Variants in IL6R observed in about 807,000 individuals in gnomAD.
The protein encoded by IL6R is interleukin-6 receptor subunit alpha.
In IL6R, 38 loss-of-function variants were observed where a neutral mutation model predicts 48.3. The ratio of observed to expected loss-of-function variants is 0.79; its 90% CI spans 0.61 to 1.03. IL6R has a LOEUF of 1.03. IL6R is among the 50% of genes least tolerant of loss of function. The pLI is 0.00. For synonymous variants in IL6R, 264 were observed against 256.2 expected, an observed-to-expected ratio of 1.03 and a Z score of -0.29; for missense variants, 534 against 618.3, an observed-to-expected ratio of 0.86 and a Z score of 1.45.
In IL6R at chr1:154,445,022, C is replaced by T. The variant is rs111610354; in HGVS notation, c.950-3103C>T. The T allele has an allele frequency of 9.3e-3, 4,246 of 455,230 alleles. 132 individuals are homozygous for T. The highest frequency in any genetic ancestry group is 0.075 in the African/African-American group (3,733 of 50,088). The allele number at this position is 455,230 out of a possible 1,614,324, so 28.2% of individuals were successfully genotyped here. ...ACACTGTGGAGATTTGTACACACAG[C>T]CTTTTCTGTACTTGTCTCCACTAGG... On this transcript the variant is annotated intron_variant, in intron 6 of 9. Transcript: ENST00000368485.
chr1:154,440,924 A>G (rs1689897793), intron 6 of IL6R, among the ~76,000 whole-genome samples: 1 of 152,200 alleles, frequency 6.6e-6, no homozygotes, highest in Non-Finnish European at 1.5e-5. Flanking sequence ...AAGTACTGGG[A>G]TTACAGGCGT....
chr1:154,418,509 C>T, intron 1 of IL6R: 4 of 674,278 alleles, frequency 5.9e-6, no homozygotes, highest in Non-Finnish European at 7.3e-6. Flanking sequence ...GAGCAGGGGC[C>T]TGCCAGCCAA....
At chr1:154,456,982 T>C (rs1450740114) in intron 9 of IL6R, among the ~76,000 whole-genome samples, 1 of 152,092 alleles carries the variant, frequency 6.6e-6, no homozygotes, top group Non-Finnish European at 1.5e-5. Flanking sequence ...ACAACATGAA[T>C]ATGACCTTTC....
chr1:154,448,889 T>C (rs1259254807), intron 7 of IL6R, among the ~76,000 whole-genome samples: 4 of 135,432 alleles, frequency 3.0e-5, no homozygotes, highest in Non-Finnish European at 4.8e-5. Flanking sequence ...TTTTTTTTTT[T>C]TTTTTTTTTT....
chr1:154,455,224 T>C (rs1163067969), intron 9 of IL6R, among the ~76,000 whole-genome samples: 1 of 151,788 alleles, frequency 6.6e-6, no homozygotes, highest in Non-Finnish European at 1.5e-5. Context: ...AGAGGGTTCT[T>C]AGGAGAGAAG....
rs191909425 is a variant in IL6R at position 154,458,052 on chromosome 1, C to T, written c.1160+3471C>T. Among the ~76,000 whole-genome samples the T allele has an allele frequency of 4.4e-4, 66 of 151,542 alleles. 2 individuals are homozygous for T. Among genetic ancestry groups the T allele is most frequent in the African/African-American group, 1.4e-3 (57 of 41,314 alleles). On this transcript the variant is annotated intron_variant, in intron 9 of 9. Transcript: ENST00000368485. ...CGCGATCTTGGCTCACTGCAACCTC[C>T]GCCTCCCGGGTTCACGCCATTCTCC...
In IL6R at chr1:154,405,641, C is replaced by T. The variant is rs1413222090; in HGVS notation, c.12C>T (p.Val4=). 6.5e-7 allele frequency: 1 copy of T among 1,533,292 alleles called. No homozygotes were observed. Among genetic ancestry groups the T allele is most frequent in the Non-Finnish European group, 8.7e-7 (1 of 1,147,340 alleles). The allele number at this position is 1,533,292 out of a possible 1,614,324, so 95.0% of individuals were successfully genotyped here. MLA[V]GCALLAALLA... is the part of the protein sequence containing the mutation. ...GCCGAGGAGGAAGCATGCTGGCCGT[C>T]GGCTGCGCGCTGCTGGCTGCCCTGC... Residue 4 remains valine, a synonymous_variant, in exon 1 of 10, where the codon GTC becomes GTT. Transcript: ENST00000368485. This position sits in a 1 kb window ranked among gnomAD's most constrained non-coding sequence, Gnocchi z 5.2.
Position 154,458,027 on chromosome 1 carries a change from C to T in IL6R, c.1160+3446C>T, listed in dbSNP as rs189252339. Among the ~76,000 whole-genome samples the T allele has an allele frequency of 2.0e-4, 28 of 143,586 alleles. No individual in the cohort carries two copies. In the South Asian group the frequency reaches 4.6e-3, roughly 23 times the overall value. 94.2% of individuals were successfully genotyped at this position (143,586 alleles called of 152,430 possible). A position where few individuals can be genotyped will look rare whatever the true frequency, so the allele number is the denominator to read the frequency against. ...TGTCGCCCAGGCTGGAGTGCAGTGG[C>T]GCGATCTTGGCTCACTGCAACCTCC... is the stretch of plus-strand genomic sequence containing the variant. On this transcript the variant is annotated intron_variant, in intron 9 of 9. Transcript: ENST00000368485.
chr1:154,430,979 A>G (rs901247188), intron 3 of IL6R, among the ~76,000 whole-genome samples: 4 of 152,194 alleles, frequency 2.6e-5, no homozygotes, highest in Non-Finnish European at 4.4e-5. Context: ...TTTCATTCAA[A>G]GTCCGAAGAT....
At position 154,446,650 on chromosome 1, in the gene IL6R, C is replaced by T. The variant is rs147458265; in HGVS notation, c.950-1475C>T. The stretch of plus-strand genomic sequence containing the variant: ...GGGGTTTCCGCAGAAACACTGTTCC[C>T]GTGCAGGGGGAGGGAGCCGTGAGGG... On this transcript the variant is annotated intron_variant, in intron 6 of 9. Coordinates refer to ENST00000368485, the MANE Select transcript of IL6R (RefSeq NM_000565.4). Among the ~76,000 whole-genome samples, 277 of 152,292 alleles carry T rather than the reference C, an allele frequency of 1.8e-3. 1 individual carries two copies. The highest frequency in any genetic ancestry group is 5.9e-3 in the African/African-American group (244 of 41,556).
At chr1:154,436,962 A>G (rs1259400837) in intron 6 of IL6R, among the ~76,000 whole-genome samples, 1 of 152,060 alleles carries the variant, frequency 6.6e-6, no homozygotes, top group Non-Finnish European at 1.5e-5. Context: ...AGGTACATGT[A>G]TGTGTGTGTG....
Position 154,467,134 on chromosome 1 carries a change from A to C in IL6R, c.*1754A>C, listed in dbSNP as rs901132994. 6.6e-6 allele frequency: 1 copy of C among 152,162 alleles called. No homozygotes were observed. Among genetic ancestry groups the C allele is most frequent in the Non-Finnish European group, 1.5e-5 (1 of 68,036 alleles). 9.4% of individuals were successfully genotyped at this position (152,162 alleles called of 1,614,324 possible). On this transcript the variant is annotated 3_prime_UTR_variant, in exon 10 of 10. Coordinates refer to ENST00000368485, the MANE Select transcript of IL6R (RefSeq NM_000565.4). ...TCTGCTATCAAAGAGGTTTTAAAAA[A>C]ATCCCATTTAAAAAAAATCCCTTAC...
intron 3 of IL6R, among the ~76,000 whole-genome samples, chr1:154,431,168 C>G (rs970471084): frequency 6.6e-6 from 1 of 152,058 alleles, no homozygotes; most frequent in Non-Finnish European, 1.5e-5. Flanking sequence ...GGAGAAGTCA[C>G]GCCTGCCTGG....
intron 1 of IL6R, among the ~76,000 whole-genome samples, chr1:154,416,308 ATT>A (rs1211685761): frequency 5.8e-5 from 8 of 138,650 alleles, no homozygotes; most frequent in Non-Finnish European, 3.2e-5. Flanking sequence ...TTAAAAAAAA[ATT>A]TTTTTTTTTT....
Position 154,405,734 on chromosome 1 carries a change from C to A in IL6R, c.85+20C>A. ...CGCAGGGTAAGGGCTTCGGGCGCAC[C>A]TGGAGGGCTGGGGCAGCTAGCGGCT... On this transcript the variant is annotated intron_variant, in intron 1 of 9. Coordinates refer to ENST00000368485, the MANE Select transcript of IL6R (RefSeq NM_000565.4). This position sits in a 1 kb window ranked among gnomAD's most constrained non-coding sequence, Gnocchi z 5.2. 1.4e-6 allele frequency: 2 copies of A among 1,446,022 alleles called. No homozygotes were observed. Among genetic ancestry groups the A allele is most frequent in the Non-Finnish European group, 1.8e-6 (2 of 1,106,120 alleles). 89.6% of individuals were successfully genotyped at this position (1,446,022 alleles called of 1,614,324 possible).
chr1:154,433,610 G>GT (rs2149242456), intron 3 of IL6R, among the ~76,000 whole-genome samples: 1 of 152,274 alleles, frequency 6.6e-6, no homozygotes, highest in East Asian at 1.9e-4. Flanking sequence ...CATTGCCTGA[G>GT]TGACTAGCTG....
rs189252339 is a variant in IL6R, at chr1:154,458,027, C to A, written c.1160+3446C>A. On this transcript the variant is annotated intron_variant, in intron 9 of 9. Coordinates refer to ENST00000368485, the MANE Select transcript of IL6R (RefSeq NM_000565.4). Reference sequence around the variant, plus strand: ...TGTCGCCCAGGCTGGAGTGCAGTGGCGCGATCTTGGCTCACTGCAACCTCC... The same window carrying A: ...TGTCGCCCAGGCTGGAGTGCAGTGGAGCGATCTTGGCTCACTGCAACCTCC... Among the ~76,000 whole-genome samples the A allele has an allele frequency of 4.2e-5, 6 of 143,588 alleles. No individual in the cohort carries two copies. In the East Asian group the frequency reaches 1.2e-3, roughly 30 times the overall value. 94.2% of individuals were successfully genotyped at this position (143,588 alleles called of 152,430 possible). A position where few individuals can be genotyped will look rare whatever the true frequency, so the allele number is the denominator to read the frequency against.
At chr1:154,451,443 G>A (rs904640415) in intron 8 of IL6R, among the ~76,000 whole-genome samples, 1 of 151,952 alleles carries the variant, frequency 6.6e-6, no homozygotes, top group Non-Finnish European at 1.5e-5. Context: ...ACTTGAACCT[G>A]GGAGGCAGAG....
intron 8 of IL6R, among the ~76,000 whole-genome samples, chr1:154,453,274 T>C (rs1422265509): frequency 6.6e-6 from 1 of 152,226 alleles, no homozygotes; most frequent in Non-Finnish European, 1.5e-5. Context: ...AGCATACTGC[T>C]TTCATTACAC....
Sources: allele counts gnomAD v4.1 joint callset (sites outside exome capture counted in the v4.1 genomes callset), GRCh38; gene constraint gnomAD v4.1.1; non-coding constraint Gnocchi (gnomAD v3.1); transcripts MANE v1.5; gene names NCBI Gene and HGNC (gene_info 2026-07-23, HGNC 2026-07-21).